The following USO1 variants were observed in gnomAD, a reference collection of about 807,000 sequenced individuals.
The protein encoded by USO1 is USO1 vesicle transport factor.
A neutral mutation model predicts 124.5 loss-of-function variants in USO1; 57 were observed. The observed-to-expected ratio is 0.46, with a 90% CI of 0.37 to 0.57. The LOEUF (loss-of-function observed/expected upper bound fraction) is 0.57, where lower values mean the gene tolerates loss of function less well. USO1 is among the 20% of genes least tolerant of loss of function. The pLI, the probability that USO1 is intolerant of heterozygous loss-of-function variation, is 0.00. For synonymous variants in USO1, 369 were observed against 362.8 expected (o/e 1.02, Z -0.19); for missense variants, 900 against 1,040.6 (o/e 0.86, Z 1.86).
At chr4:75,767,106 CCTT>C (rs1049317224) in intron 4 of USO1, among the ~76,000 whole-genome samples, 19 of 152,126 alleles carry the variant, frequency 1.2e-4, no homozygotes, top group African/African-American at 4.6e-4. Flanking sequence ...CTCTTTGTCT[CCTT>C]CGCAGTTTTC....
intron 1 of USO1, among the ~76,000 whole-genome samples, chr4:75,742,122 G>A (rs1720980688): frequency 6.6e-6 from 1 of 152,142 alleles, no homozygotes; most frequent in Non-Finnish European, 1.5e-5. Context: ...TATTTTTTGT[G>A]AGTAGAAGTA....
chr4:75,741,177 G>A (rs920292346), intron 1 of USO1, among the ~76,000 whole-genome samples: 16 of 152,172 alleles, frequency 1.1e-4, no homozygotes, highest in Non-Finnish European at 2.2e-4. Context: ...AATGAATACT[G>A]TAGGCAATTA....
chr4:75,758,870 TAC>T (rs1560443064), intron 4 of USO1, among the ~76,000 whole-genome samples: 2 of 152,220 alleles, frequency 1.3e-5, no homozygotes, highest in African/African-American at 2.4e-5. Flanking sequence ...ATAGATACAA[TAC>T]ACACAAGAAT....
chr4:75,800,460 G>A lies in USO1; in HGVS notation c.1673G>A (p.Ser558Asn), dbSNP rs1165627202. 1 of 1,588,182 alleles carries A rather than the reference G, an allele frequency of 6.3e-7. No homozygotes were observed. Among genetic ancestry groups the A allele is most frequent in the Admixed American group, 1.8e-5 (1 of 55,306 alleles). The change falls in exon 15 of 24, where the codon AGC (serine) becomes AAC (asparagine). Residue 558 changes from serine to asparagine, a missense_variant. By Grantham distance (46) the Ser-to-Asn change is conservative. Transcript: ENST00000514213. ...SIYFNDNSLESYMKEKLKQLI... is the reference protein window; with the variant it reads ...SIYFNDNSLENYMKEKLKQLI... Reference sequence around the variant, plus strand: ...TATTTCAATGATAACTCACTTGAGAGCTACATGAAGTAAGTAAGGGGAAGA... The same window carrying A: ...TATTTCAATGATAACTCACTTGAGAACTACATGAAGTAAGTAAGGGGAAGA...
chr4:75,782,147 A>G (rs1722237786), intron 8 of USO1, among the ~76,000 whole-genome samples: 1 of 152,216 alleles, frequency 6.6e-6, no homozygotes, highest in South Asian at 2.1e-4. Flanking sequence ...CAAACCGACA[A>G]TGTTAAGAGC....
chr4:75,740,904 T>A (rs1221456431), intron 1 of USO1, among the ~76,000 whole-genome samples: 2 of 152,218 alleles, frequency 1.3e-5, no homozygotes, highest in Non-Finnish European at 2.9e-5. Flanking sequence ...TTGGTGTACA[T>A]CCTTCTACAG....
intron 13 of USO1, 83 bp from the exon 14 acceptor site, chr4:75,799,539 C>A: frequency 2.0e-6 from 3 of 1,474,614 alleles, no homozygotes; most frequent in East Asian, 2.3e-5. Context: ...TCTTTTCATG[C>A]AAATGGAAGG....
In USO1 at chr4:75,724,719, G is replaced by A; in HGVS notation, c.-101G>A. On this transcript the variant is annotated 5_prime_UTR_variant, in exon 1 of 24. In the 5' UTR this introduces an upstream ATG that the reference lacks. Transcript: ENST00000514213. ...AGGCGGTGGTGGCAGCAGTAGGAGTGTGTAGAGTGCGGGATTGGGGCCCAG... is the reference window on the plus strand; with the variant it reads ...AGGCGGTGGTGGCAGCAGTAGGAGTATGTAGAGTGCGGGATTGGGGCCCAG... 8.1e-7 allele frequency: 1 copy of A among 1,228,910 alleles called. No homozygotes were observed. Among genetic ancestry groups the A allele is most frequent in the Non-Finnish European group, 1.2e-6 (1 of 860,388 alleles). 76.1% of individuals were successfully genotyped at this position (1,228,910 alleles called of 1,614,324 possible). A position where few individuals can be genotyped will look rare whatever the true frequency, so the allele number is the denominator to read the frequency against.
chr4:75,745,449 A>G (rs1419355096), intron 1 of USO1: 4 of 467,562 alleles, frequency 8.6e-6, no homozygotes, highest in African/African-American at 2.0e-5. Flanking sequence ...CGCAACAGAT[A>G]CTCTGACTCA....
chr4:75,726,917 A>G (rs896471973), intron 1 of USO1, among the ~76,000 whole-genome samples: 12 of 152,158 alleles, frequency 7.9e-5, no homozygotes, highest in African/African-American at 2.9e-4. Context: ...CCCTGATTGG[A>G]TTGGATATGT....
intron 13 of USO1, among the ~76,000 whole-genome samples, chr4:75,799,203 G>C (rs1722772648): frequency 6.6e-6 from 1 of 151,628 alleles, no homozygotes; most frequent in African/African-American, 2.4e-5. Flanking sequence ...TTTTTTGAAG[G>C]AAGTAGAATT....
intron 1 of USO1, among the ~76,000 whole-genome samples, chr4:75,731,322 T>C (rs1345672662): frequency 6.6e-6 from 1 of 152,096 alleles, no homozygotes; most frequent in Non-Finnish European, 1.5e-5. Flanking sequence ...AGCACTTTGG[T>C]AGGCTGAGGC....
intron 4 of USO1, among the ~76,000 whole-genome samples, chr4:75,762,194 C>T (rs1421906943): frequency 1.9e-5 from 2 of 104,778 alleles, no homozygotes; most frequent in African/African-American, 7.7e-5. Context: ...TTTTTTGAGA[C>T]AGAGTCTCAC....
chr4:75,726,749 A>G (rs1292456978), intron 1 of USO1, among the ~76,000 whole-genome samples: 1 of 152,216 alleles, frequency 6.6e-6, no homozygotes, highest in African/African-American at 2.4e-5. Context: ...CTACCCTACT[A>G]GAAGATCATG....
At chr4:75,799,557 G>C in intron 13 of USO1, 65 bp from the exon 14 acceptor site, 1 of 1,573,220 alleles carries the variant, frequency 6.4e-7, no homozygotes, top group East Asian at 2.3e-5. Flanking sequence ...AGGGATCTTA[G>C]GGCAACTTTA....
At chr4:75,768,641 A>G (rs1721836887) in intron 4 of USO1, among the ~76,000 whole-genome samples, 1 of 152,150 alleles carries the variant, frequency 6.6e-6, no homozygotes, top group African/African-American at 2.4e-5. Flanking sequence ...GCCTTATGGC[A>G]CTGACTAGGA....
intron 8 of USO1, among the ~76,000 whole-genome samples, chr4:75,780,640 CTTTTTTTTTTTT>C (rs71210204): frequency 1.7e-5 from 1 of 59,138 alleles, no homozygotes; most frequent in Non-Finnish European, 2.9e-5. Flanking sequence ...TAAATTTTGA[CTTTTTTTTTTTT>C]TTTTTTTTTT....
intron 14 of USO1, 89 bp downstream of exon 14, chr4:75,799,821 T>G: frequency 6.9e-7 from 1 of 1,451,296 alleles, no homozygotes. Flanking sequence ...ATGCCCAAAA[T>G]ATTTGAATTC....
At chr4:75,806,621 A>G (rs959252159) in intron 20 of USO1, 49 bp downstream of exon 20, 3 of 1,539,288 alleles carry the variant, frequency 1.9e-6, no homozygotes, top group African/African-American at 2.8e-5. Flanking sequence ...TTTAATTATA[A>G]TAGAATAACA....
Sources: allele counts gnomAD v4.1 joint callset (sites outside exome capture counted in the v4.1 genomes callset), GRCh38; gene constraint gnomAD v4.1.1; transcripts MANE v1.5; gene names NCBI Gene and HGNC (gene_info 2026-07-23, HGNC 2026-07-21).